Variants in BRAT1 observed in about 807,000 individuals in gnomAD.
BRAT1 encodes BRCA1 associated ATM activator 1, also known as integrator complex assembly factor BRAT1.
Under a neutral mutation model 70.6 loss-of-function variants are expected in BRAT1, and 74 were observed. The observed-to-expected ratio is 1.05, with a 90% CI of 0.87 to 1.27. The LOEUF (loss-of-function observed/expected upper bound fraction) is 1.27. BRAT1 is among the 50% of genes most tolerant of loss of function. The pLI is 0.00. For missense variants in BRAT1, 1,203 were observed against 1,098.2 expected, an observed-to-expected ratio of 1.10 and a Z score of -1.35; for synonymous variants, 615 against 517.1, an observed-to-expected ratio of 1.19 and a Z score of -2.57.
Position 2,547,465 on chromosome 7 carries a change from C to CA in BRAT1, c.140dup (p.Leu48AlafsTer143). ...CCAGGCAGGGGTGCTCCTGCAGCAGCACGACACTGGACTCTGTGGGGATGG... is the reference window on the plus strand; with the variant it reads ...CCAGGCAGGGGTGCTCCTGCAGCAGCAACGACACTGGACTCTGTGGGGATGG... On this transcript the variant is annotated frameshift_variant, in exon 3 of 14. Transcript: ENST00000340611. LOFTEE classifies it high-confidence loss of function. The CA allele has an allele frequency of 1.9e-6, 3 of 1,614,024 alleles. No individual in the cohort carries two copies. The highest frequency in any genetic ancestry group is 8.5e-7 in the Non-Finnish European group (1 of 1,180,016).
At position 2,552,106 on chromosome 7, in the gene BRAT1, A is replaced by ATTTT. The variant is rs1174942520; in HGVS notation, c.127+2195_127+2198dup. ...AATATATATATATATATATATATAT[A>ATTTT]TTTTTTTTTTTTTTTTTTTTTTTTT... On this transcript the variant is annotated intron_variant, in intron 2 of 13. Transcript: ENST00000340611. 9.1e-4 allele frequency among the ~76,000 whole-genome samples: 13 copies of ATTTT among 14,222 alleles called. 2 individuals are homozygous for ATTTT. Among genetic ancestry groups the ATTTT allele is most frequent in the African/African-American group, 1.4e-3 (6 of 4,386 alleles). 9.3% of individuals were successfully genotyped at this position (14,222 alleles called of 152,430 possible).
rs750541724 is a variant in BRAT1 at position 2,549,677 on chromosome 7, AAG to A, written c.128-2201_128-2200del. ...GAGATCAAACTTATCTGTTAAAAGAAAGAGTTGCTGAGATTAAATTAAACACT... is the reference window on the plus strand; with the variant it reads ...GAGATCAAACTTATCTGTTAAAAGAAAGTTGCTGAGATTAAATTAAACACT... On this transcript the variant is annotated intron_variant, in intron 2 of 13. Coordinates refer to ENST00000340611, the MANE Select transcript of BRAT1 (RefSeq NM_152743.4). Among the ~76,000 whole-genome samples, 248 of 152,326 alleles carry A rather than the reference AAG, an allele frequency of 1.6e-3. 1 individual carries two copies. The highest frequency in any genetic ancestry group is 4.0e-3 in the Admixed American group (61 of 15,294).
chr7:2,537,830 A>T lies in BRAT1; in HGVS notation c.*239T>A. ...TGGACCCTTGTCTCAGATCATTATT[A>T]TTAAATTAACTCAAAAAGGGTTAAA... On this transcript the variant is annotated 3_prime_UTR_variant, in exon 14 of 14. Coordinates refer to ENST00000340611, the MANE Select transcript of BRAT1 (RefSeq NM_152743.4). 1.8e-6 allele frequency: 1 copy of T among 558,890 alleles called. No individual in the cohort carries two copies. Among genetic ancestry groups the T allele is most frequent in the Non-Finnish European group, 2.8e-6 (1 of 357,552 alleles). 34.6% of individuals were successfully genotyped at this position (558,890 alleles called of 1,614,324 possible).
Position 2,541,039 on chromosome 7 carries a change from C to A in BRAT1, c.1335G>T (p.Leu445=). Reference sequence around the variant, plus strand: ...GGAGGACAGCAAGCGCCTGCGTCACCAGCTCCTGGGGGCCTGAGACAGAGG... The same window carrying A: ...GGAGGACAGCAAGCGCCTGCGTCACAAGCTCCTGGGGGCCTGAGACAGAGG... The part of the protein sequence containing the change: ...TLSQGTGPQE[L]VTQALAVLLE... Residue 445 remains leucine (L), a synonymous_variant, in exon 10 of 14, where the codon CTG becomes CTT. Transcript: ENST00000340611. The A allele has an allele frequency of 6.4e-7, 1 of 1,570,256 alleles. No individual in the cohort carries two copies. The highest frequency in any genetic ancestry group is 1.4e-5 in the African/African-American group (1 of 71,980).
intron 2 of BRAT1, among the ~76,000 whole-genome samples, chr7:2,550,293 C>A (rs1779904191): frequency 1.3e-5 from 2 of 151,124 alleles, no homozygotes; most frequent in African/African-American, 4.9e-5. Flanking sequence ...ATAGTGAAAC[C>A]CCGTCACTAC....
chr7:2,541,269 C>G lies in BRAT1; in HGVS notation c.1321+29G>C, dbSNP rs764742849. ...GAGAGTGGGGGCACAGGGATAGCCC[C>G]ACGCCAAAGCCGTACAGAACACACT... is the stretch of plus-strand genomic sequence containing the variant. On this transcript the variant is annotated intron_variant, in intron 9 of 13. Coordinates refer to ENST00000340611, the MANE Select transcript of BRAT1 (RefSeq NM_152743.4). 48 of 1,539,108 alleles carry G rather than the reference C, an allele frequency of 3.1e-5. No homozygotes were observed. In the South Asian group the frequency reaches 5.3e-4, roughly 17 times the overall value.
At chr7:2,553,798 G>A (rs1780211234) in intron 2 of BRAT1, among the ~76,000 whole-genome samples, 4 of 151,572 alleles carry the variant, frequency 2.6e-5, no homozygotes, top group Admixed American at 2.0e-4. Context: ...TGCGCCACCA[G>A]GCACAGCTAA....
In BRAT1 at chr7:2,539,260, C is replaced by G; in HGVS notation, c.1689G>C (p.Ala563=). The G allele has an allele frequency of 6.2e-7, 1 of 1,611,762 alleles. No individual in the cohort carries two copies. The highest frequency in any genetic ancestry group is 8.5e-7 in the Non-Finnish European group (1 of 1,179,970). ...GCTGCCCCATGGCGGTCACTGCACT[C>G]GCTCGGACATAACTCTCAGGGTCCT... is the stretch of plus-strand genomic sequence containing the variant. ...LLQDPESYVR[A]SAVTAMGQLS... Residue 563 remains alanine, a synonymous_variant, in exon 13 of 14, where the codon GCG becomes GCC. Coordinates refer to ENST00000340611, the MANE Select transcript of BRAT1 (RefSeq NM_152743.4).
At chr7:2,554,813 G>A (rs946563624) in intron 1 of BRAT1, among the ~76,000 whole-genome samples, 1 of 152,218 alleles carries the variant, frequency 6.6e-6, no homozygotes, top group Non-Finnish European at 1.5e-5. Context: ...GAGTTCCGGG[G>A]TCAGCCATGT....
In BRAT1 at chr7:2,542,114, G is replaced by C. The variant is rs1779219049; in HGVS notation, c.1015+6C>G. ...CTGCCCTCCCAGCCCTTTCTAAGCA[G>C]CACACCTGGGGGTCCGGGGGCCTGA... On this transcript the variant is annotated splice_donor_region_variant and intron_variant, in intron 7 of 13. Transcript: ENST00000340611. 1.8e-5 allele frequency: 27 copies of C among 1,532,138 alleles called. No individual in the cohort carries two copies. Among genetic ancestry groups the C allele is most frequent in the Non-Finnish European group, 2.3e-5 (26 of 1,139,370 alleles). 94.9% of individuals were successfully genotyped at this position (1,532,138 alleles called of 1,614,324 possible).
intron 1 of BRAT1, among the ~76,000 whole-genome samples, chr7:2,554,774 G>A (rs1780290011): frequency 6.6e-6 from 1 of 152,212 alleles, no homozygotes; most frequent in African/African-American, 2.4e-5. Context: ...GGCCCAGGCT[G>A]CAGGTGGGCC....
intron 4 of BRAT1, 194 bp from the exon 5 acceptor site, chr7:2,544,156 AAC>A (rs1278778392): frequency 8.6e-6 from 4 of 466,808 alleles, no homozygotes; most frequent in East Asian, 3.4e-5. Flanking sequence ...CCGAGCGTTA[AAC>A]ACACACAGCT....
At chr7:2,552,065 G>C (rs1259477560) in intron 2 of BRAT1, among the ~76,000 whole-genome samples, 1 of 102,510 alleles carries the variant, frequency 9.8e-6, no homozygotes, top group Non-Finnish European at 1.9e-5. Context: ...TACTTTTAGA[G>C]AAATGCATAG....
chr7:2,539,089 T>A, intron 13 of BRAT1, 90 bp downstream of exon 13: 1 of 1,504,684 alleles, frequency 6.6e-7, no homozygotes, highest in Non-Finnish European at 8.9e-7. Flanking sequence ...GCTCCCACGC[T>A]GCATGCTGGC....
intron 10 of BRAT1, chr7:2,540,694 T>G (rs1583298739): frequency 5.3e-6 from 2 of 376,488 alleles, no homozygotes; most frequent in Non-Finnish European, 9.5e-6. Flanking sequence ...GCCGTCTTGG[T>G]GCCACCTCAT....
intron 1 of BRAT1, among the ~76,000 whole-genome samples, chr7:2,554,908 T>C (rs1583347675): frequency 6.6e-6 from 1 of 152,024 alleles, no homozygotes; most frequent in East Asian, 1.9e-4. Flanking sequence ...GTGGCTGCAT[T>C]TGACGTCCTG....
At chr7:2,545,078 G>T in intron 3 of BRAT1, 22 bp from the exon 4 acceptor site, 1 of 1,471,790 alleles carries the variant, frequency 6.8e-7, no homozygotes, top group Non-Finnish European at 9.0e-7. Context: ...AAAAAGAAGT[G>T]AGGGTGGCCA....
At position 2,538,396 on chromosome 7, in the gene BRAT1, G is replaced by A. The variant is rs1367393924; in HGVS notation, c.2139C>T (p.Arg713=). ...FAFCALFDCD[R]PVAQKSCDLL... The stretch of plus-strand genomic sequence containing the variant: ...GGTCACAAGACTTCTGCGCCACAGG[G>A]CGGTCGCAGTCAAACAAGGCACAAA... Residue 713 remains arginine (R), a synonymous_variant, in exon 14 of 14, where the codon CGC becomes CGT. Transcript: ENST00000340611. 2.5e-6 allele frequency: 4 copies of A among 1,613,582 alleles called. No homozygotes were observed. The highest frequency in any genetic ancestry group is 3.4e-6 in the Non-Finnish European group (4 of 1,179,958).
chr7:2,538,793 T>C, intron 13 of BRAT1, 29 bp from the exon 14 acceptor site: 1 of 1,597,104 alleles, frequency 6.3e-7, no homozygotes, highest in Non-Finnish European at 8.5e-7. Context: ...GTGCGGATGG[T>C]TGGTGGGGTG....
Sources: gnomAD v4.1 joint callset for allele counts (sites outside exome capture counted in the v4.1 genomes callset) on GRCh38, gnomAD v4.1.1 for gene constraint, MANE v1.5 for transcripts, NCBI Gene and HGNC (gene_info 2026-07-23, HGNC 2026-07-21) for gene names.